The following POLE3 variants were observed in gnomAD, a reference collection of about 807,000 sequenced individuals.
POLE3 encodes DNA polymerase epsilon 3, accessory subunit, also known as DNA polymerase epsilon subunit 3.
A neutral mutation model predicts 16.1 loss-of-function variants in POLE3; 10 were observed. The ratio of observed to expected loss-of-function variants is 0.62; its 90% CI spans 0.38 to 1.05. The LOEUF (loss-of-function observed/expected upper bound fraction) is 1.05, where lower values mean the gene tolerates loss of function less well. Ranked by LOEUF, POLE3 falls within the 50% of genes least tolerant of loss-of-function variation. The pLI is 0.01. For synonymous variants in POLE3, 83 were observed against 71.0 expected, an observed-to-expected ratio of 1.17 and a Z score of -0.85; for missense variants, 169 against 185.0, an observed-to-expected ratio of 0.91 and a Z score of 0.50.
rs569669601 is a variant in POLE3 at position 113,410,307 on chromosome 9, G to A, written c.-14C>T. 1.1e-4 allele frequency: 184 copies of A among 1,611,352 alleles called. No homozygotes were observed. In the South Asian group the frequency reaches 1.9e-3, roughly 16 times the overall value. On this transcript the variant is annotated 5_prime_UTR_variant, in exon 2 of 5. Transcript: ENST00000374171. ...CCTCTCCGCCATTGCCGCCGCTGGG[G>A]CTTAAACTCCCCTTCGCCTCCGCTT...
chr9:113,410,218 A>G lies in POLE3; in HGVS notation c.66+10T>C, dbSNP rs763180794. The G allele has an allele frequency of 1.2e-6, 2 of 1,613,076 alleles. No homozygotes were observed. The highest frequency in any genetic ancestry group is 2.7e-5 in the African/African-American group (2 of 74,816). On this transcript the variant is annotated intron_variant, in intron 2 of 4. Coordinates refer to ENST00000374171, the MANE Select transcript of POLE3 (RefSeq NM_017443.5). ...CCTGCCCGTTCGTCCGCCCCCCCCG[A>G]GCTGCTCACCGCCTCCTTGATGATC...
In POLE3 at chr9:113,408,013, C is replaced by T. The variant is rs1827975992; in HGVS notation, c.*798G>A. 1.3e-5 allele frequency: 2 copies of T among 152,636 alleles called. No homozygotes were observed. The highest frequency in any genetic ancestry group is 4.8e-5 in the African/African-American group (2 of 41,436). The allele number at this position is 152,636 out of a possible 1,614,324, so 9.5% of individuals were successfully genotyped here. ...GAAGAGGAAGCCTGGGGTTTTACACCTTCCGGGAGGTGATGACAAATCCTA... is the reference window on the plus strand; with the variant it reads ...GAAGAGGAAGCCTGGGGTTTTACACTTTCCGGGAGGTGATGACAAATCCTA... On this transcript the variant is annotated 3_prime_UTR_variant, in exon 5 of 5. Coordinates refer to ENST00000374171, the MANE Select transcript of POLE3 (RefSeq NM_017443.5).
chr9:113,408,763 TC>T lies in POLE3; in HGVS notation c.*47del. The T allele has an allele frequency of 6.8e-7, 1 of 1,468,110 alleles. No individual in the cohort carries two copies. The highest frequency in any genetic ancestry group is 9.5e-7 in the Non-Finnish European group (1 of 1,053,148). The allele number at this position is 1,468,110 out of a possible 1,614,324, so 90.9% of individuals were successfully genotyped here. A position where few individuals can be genotyped will look rare whatever the true frequency, so the allele number is the denominator to read the frequency against. ...AAGCTTCACAGAAACACGTAGCACG[TC>T]TCATTTCAAGTGGTACCTTCCAAGG... is the stretch of plus-strand genomic sequence containing the variant. On this transcript the variant is annotated 3_prime_UTR_variant, in exon 5 of 5. Transcript: ENST00000374171.
chr9:113,409,851 A>T, intron 3 of POLE3, 123 bp from the exon 4 acceptor site: 1 of 793,960 alleles, frequency 1.3e-6, no homozygotes, highest in Non-Finnish European at 2.1e-6. Context: ...TGTGACAGGG[A>T]TAAGTCCTTC....
Position 113,407,598 on chromosome 9 carries a change from T to C in POLE3, c.*1213A>G, listed in dbSNP as rs1051964595. ...GGTGGCACGCATCTGTAGTCCCAGA[T>C]ACTCAGGAGGCTCAGGCGGGAGGAT... On this transcript the variant is annotated 3_prime_UTR_variant, in exon 5 of 5. Coordinates refer to ENST00000374171, the MANE Select transcript of POLE3 (RefSeq NM_017443.5). The C allele has an allele frequency of 6.6e-6, 1 of 152,440 alleles. No homozygotes were observed. Among genetic ancestry groups the C allele is most frequent in the African/African-American group, 2.4e-5 (1 of 41,400 alleles). The allele number at this position is 152,440 out of a possible 1,614,324, so 9.4% of individuals were successfully genotyped here. A position where few individuals can be genotyped will look rare whatever the true frequency, so the allele number is the denominator to read the frequency against.
chr9:113,408,941 T>C lies in POLE3; in HGVS notation c.314A>G (p.Gln105Arg). The change falls in exon 5 of 5, where the codon CAA becomes CGA. Residue 105 changes from glutamine (Q) to arginine (R), a missense_variant. Transcript: ENST00000374171. ...TTTTTTGTCTTTGTCCTTCTTCTTTTGCTCTGAGGCCTCCTTCTTGCCTTT... is the reference window on the plus strand; with the variant it reads ...TTTTTTGTCTTTGTCCTTCTTCTTTCGCTCTGAGGCCTCCTTCTTGCCTTT... The part of the protein sequence containing the change: ...EQKGKKEASE[Q>R]KKKDKDKKTD... 2 of 1,614,026 alleles carry C rather than the reference T, an allele frequency of 1.2e-6. No individual in the cohort carries two copies. The highest frequency in any genetic ancestry group is 2.2e-5 in the East Asian group (1 of 44,890).
intron 4 of POLE3, 150 bp from the exon 5 acceptor site, chr9:113,409,133 G>A (rs1386347329): frequency 6.3e-6 from 4 of 635,578 alleles, no homozygotes; most frequent in South Asian, 1.9e-5. Flanking sequence ...AGGCTGAGAC[G>A]GGCGGATCAC....
chr9:113,409,374 A>C (rs545479077), intron 4 of POLE3, among the ~76,000 whole-genome samples: 8 of 139,070 alleles, frequency 5.8e-5, no homozygotes, highest in East Asian at 2.0e-4. Flanking sequence ...AAAAAAAAAA[A>C]AAAACAAAAA....
Position 113,408,755 on chromosome 9 carries a change from G to T in POLE3, c.*56C>A. ...GCATGGAAAAGCTTCACAGAAACAC[G>T]TAGCACGTCTCATTTCAAGTGGTAC... is the stretch of plus-strand genomic sequence containing the variant. On this transcript the variant is annotated 3_prime_UTR_variant, in exon 5 of 5. Coordinates refer to ENST00000374171, the MANE Select transcript of POLE3 (RefSeq NM_017443.5). The T allele has an allele frequency of 7.1e-7, 1 of 1,407,984 alleles. No individual in the cohort carries two copies. The highest frequency in any genetic ancestry group is 1.0e-6 in the Non-Finnish European group (1 of 1,001,814). The allele number at this position is 1,407,984 out of a possible 1,614,324, so 87.2% of individuals were successfully genotyped here.
At chr9:113,409,773 C>T (rs766876149) in intron 3 of POLE3, 45 bp from the exon 4 acceptor site, 15 of 1,298,112 alleles carry the variant, frequency 1.2e-5, no homozygotes, top group South Asian at 7.1e-5. Flanking sequence ...GTTTGTAAGG[C>T]GTGAGTGGGA....
At position 113,410,314 on chromosome 9, in the gene POLE3, C is replaced by T. The variant is rs1462904331; in HGVS notation, c.-21G>A. ...GCCATTGCCGCCGCTGGGGCTTAAA[C>T]TCCCCTTCGCCTCCGCTTCAGGGAG... On this transcript the variant is annotated 5_prime_UTR_variant, in exon 2 of 5. Transcript: ENST00000374171. 6.8e-6 allele frequency: 11 copies of T among 1,609,318 alleles called. No homozygotes were observed. In the Admixed American group the frequency reaches 1.2e-4, roughly 17 times the overall value.
At chr9:113,409,132 C>T (rs1388688541) in intron 4 of POLE3, 149 bp from the exon 5 acceptor site, 8 of 637,654 alleles carry the variant, frequency 1.3e-5, no homozygotes, top group Middle Eastern at 4.6e-4. Context: ...GAGGCTGAGA[C>T]GGGCGGATCA....
At chr9:113,409,137 G>T (rs1383586047) in intron 4 of POLE3, among the ~76,000 whole-genome samples, 154 bp from the exon 5 acceptor site, 1 of 151,984 alleles carries the variant, frequency 6.6e-6, no homozygotes, top group Admixed American at 6.6e-5. Context: ...TGAGACGGGC[G>T]GATCACCTGA....
rs746183516 is a variant in POLE3 at position 113,408,803 on chromosome 9, C to T, written c.*8G>A. 92 of 1,610,880 alleles carry T rather than the reference C, an allele frequency of 5.7e-5. No individual in the cohort carries two copies. Among genetic ancestry groups the T allele is most frequent in the Non-Finnish European group, 7.6e-5 (89 of 1,177,670 alleles). ...TACCTTCCAAGGTGCCACAGTCTCC[C>T]GCCCTTTTCAGTTGTCTACTTCTTC... On this transcript the variant is annotated 3_prime_UTR_variant, in exon 5 of 5. Coordinates refer to ENST00000374171, the MANE Select transcript of POLE3 (RefSeq NM_017443.5).
chr9:113,408,805 C>T lies in POLE3; in HGVS notation c.*6G>A. 1 of 1,611,794 alleles carries T rather than the reference C, an allele frequency of 6.2e-7. No homozygotes were observed. The highest frequency in any genetic ancestry group is 1.7e-5 in the Admixed American group (1 of 59,866). ...CCTTCCAAGGTGCCACAGTCTCCCG[C>T]CCTTTTCAGTTGTCTACTTCTTCCT... On this transcript the variant is annotated 3_prime_UTR_variant, in exon 5 of 5. Transcript: ENST00000374171.
At position 113,407,741 on chromosome 9, in the gene POLE3, G is replaced by C. The variant is rs1827970762; in HGVS notation, c.*1070C>G. Reference sequence around the variant, plus strand: ...AAACAAAACGTGAGATTAGAACTAAGGAATCAAGAGATCAGAGGAACTCAC... The same window carrying C: ...AAACAAAACGTGAGATTAGAACTAACGAATCAAGAGATCAGAGGAACTCAC... On this transcript the variant is annotated 3_prime_UTR_variant, in exon 5 of 5. Transcript: ENST00000374171. 6.6e-6 allele frequency: 1 copy of C among 152,224 alleles called. No homozygotes were observed. Among genetic ancestry groups the C allele is most frequent in the Admixed American group, 6.6e-5 (1 of 15,260 alleles). 9.4% of individuals were successfully genotyped at this position (152,224 alleles called of 1,614,324 possible).
At position 113,410,091 on chromosome 9, in the gene POLE3, C is replaced by T; in HGVS notation, c.116G>A (p.Arg39His). The T allele has an allele frequency of 2.5e-6, 4 of 1,583,146 alleles. No individual in the cohort carries two copies. The highest frequency in any genetic ancestry group is 2.3e-5 in the East Asian group (1 of 43,826). The change falls in exon 3 of 5, where the codon CGC becomes CAC. Residue 39 changes from arginine to histidine, a missense_variant. Physicochemically the swap from Arg to His is conservative, Grantham distance 29. Coordinates refer to ENST00000374171, the MANE Select transcript of POLE3 (RefSeq NM_017443.5). ...GTACAGCACGAAGACGCTGGCGGCG[C>T]GGGAGATGGCGCTCCGGGCCTCCTT... ...ISKEARSAISRAASVFVLYAT... is the reference protein window; with the variant it reads ...ISKEARSAISHAASVFVLYAT...
At position 113,408,778 on chromosome 9, in the gene POLE3, T is replaced by C. The variant is rs775258801; in HGVS notation, c.*33A>G. On this transcript the variant is annotated 3_prime_UTR_variant, in exon 5 of 5. Coordinates refer to ENST00000374171, the MANE Select transcript of POLE3 (RefSeq NM_017443.5). ...ACGTAGCACGTCTCATTTCAAGTGGTACCTTCCAAGGTGCCACAGTCTCCC... is the reference window on the plus strand; with the variant it reads ...ACGTAGCACGTCTCATTTCAAGTGGCACCTTCCAAGGTGCCACAGTCTCCC... The C allele has an allele frequency of 5.8e-6, 9 of 1,549,994 alleles. No homozygotes were observed. Among genetic ancestry groups the C allele is most frequent in the Non-Finnish European group, 7.1e-6 (8 of 1,124,212 alleles).
At chr9:113,410,018 T>G in intron 3 of POLE3, 37 bp downstream of exon 3, 3 of 1,511,204 alleles carry the variant, frequency 2.0e-6, no homozygotes, top group Non-Finnish European at 2.7e-6. Flanking sequence ...CCCAGCCAGG[T>G]ATCCCCGCGC....
Sources: allele counts gnomAD v4.1 joint callset (sites outside exome capture counted in the v4.1 genomes callset), GRCh38; gene constraint gnomAD v4.1.1; transcripts MANE v1.5; gene names NCBI Gene and HGNC (gene_info 2026-07-23, HGNC 2026-07-21).